Variants in GALNT17 observed in about 807,000 individuals in gnomAD.
GALNT17 encodes polypeptide N-acetylgalactosaminyltransferase 17.
A neutral mutation model predicts 63.7 loss-of-function variants in GALNT17; 29 were observed. The ratio of observed to expected loss-of-function variants is 0.46; its 90% confidence interval spans 0.34 to 0.62. GALNT17 has a LOEUF of 0.62. Among genes scored for constraint, GALNT17 ranks in the 20% least tolerant of loss-of-function variants. GALNT17 has a pLI of 0.01. For missense variants in GALNT17, 603 were observed against 799.6 expected (o/e 0.75, Z 2.97); for synonymous variants, 305 against 318.3 (o/e 0.96, Z 0.45).
intron 1 of GALNT17, among the ~76,000 whole-genome samples, chr7:71,240,202 G>A (rs759300478): frequency 6.6e-6 from 1 of 152,182 alleles, no homozygotes; most frequent in African/African-American, 2.4e-5. Context: ...TGTCTCAGCC[G>A]AGACCGGAGA....
intron 1 of GALNT17, among the ~76,000 whole-genome samples, chr7:71,229,642 C>T (rs1217037682): frequency 6.6e-6 from 1 of 152,148 alleles, no homozygotes; most frequent in Non-Finnish European, 1.5e-5. Flanking sequence ...TCCAAACAGC[C>T]CCTGATGTCC....
At chr7:71,523,296 G>C (rs945194255) in intron 5 of GALNT17, among the ~76,000 whole-genome samples, 1 of 152,112 alleles carries the variant, frequency 6.6e-6, no homozygotes, top group East Asian at 1.9e-4. Flanking sequence ...AGGCGTGGTG[G>C]CGCACGCCTG....
intron 6 of GALNT17, among the ~76,000 whole-genome samples, chr7:71,637,703 T>G (rs1466906895): frequency 6.6e-6 from 1 of 152,060 alleles, no homozygotes; most frequent in African/African-American, 2.4e-5. Context: ...CAGCACTGAC[T>G]TGGTAGATGA....
intron 9 of GALNT17, 75 bp downstream of exon 9, chr7:71,677,381 G>T: frequency 3.5e-6 from 5 of 1,417,140 alleles, no homozygotes; most frequent in Non-Finnish European, 4.8e-6. Context: ...AGGCCTTCTG[G>T]ATAAACTTTG....
At chr7:71,199,522 T>C (rs889970412) in intron 1 of GALNT17, among the ~76,000 whole-genome samples, 12 of 142,794 alleles carry the variant, frequency 8.4e-5, no homozygotes, top group South Asian at 2.3e-4. Context: ...CCCCATCCAT[T>C]CATCCATCCA....
chr7:71,569,270 C>G (rs899722654), intron 5 of GALNT17, among the ~76,000 whole-genome samples: 1 of 152,018 alleles, frequency 6.6e-6, no homozygotes, highest in Non-Finnish European at 1.5e-5. Context: ...GTGCCCGGCT[C>G]TAACATGATT....
intron 1 of GALNT17, among the ~76,000 whole-genome samples, chr7:71,237,957 A>G (rs185967314): frequency 1.3e-5 from 2 of 152,350 alleles, no homozygotes; most frequent in African/African-American, 4.8e-5. Flanking sequence ...CACTTGAGAA[A>G]TAAACACGGG....
At chr7:71,494,494 C>T (rs558485511) in intron 5 of GALNT17, among the ~76,000 whole-genome samples, 214 of 152,156 alleles carry the variant, frequency 1.4e-3, no homozygotes, top group African/African-American at 4.9e-3. Context: ...TACAGGTGTG[C>T]ACTAGCACAC....
intron 3 of GALNT17, among the ~76,000 whole-genome samples, chr7:71,408,939 T>TTA (rs567168941): frequency 1.2e-4 from 18 of 151,316 alleles, no homozygotes; most frequent in East Asian, 3.9e-4. Context: ...TATATGTATT[T>TTA]TATATATATA....
At chr7:71,304,313 G>A (rs1031634594) in intron 1 of GALNT17, among the ~76,000 whole-genome samples, 2 of 152,154 alleles carry the variant, frequency 1.3e-5, no homozygotes, top group African/African-American at 2.4e-5. Context: ...TAACTGAAAC[G>A]GCGTTCAGAG....
chr7:71,273,548 C>A (rs1362404007), intron 1 of GALNT17, among the ~76,000 whole-genome samples: 2 of 152,170 alleles, frequency 1.3e-5, no homozygotes, highest in African/African-American at 2.4e-5. Context: ...GCAAAGTCAG[C>A]AAATGGTTGA....
At chr7:71,608,312 C>T (rs1043596749) in intron 6 of GALNT17, among the ~76,000 whole-genome samples, 1 of 152,062 alleles carries the variant, frequency 6.6e-6, no homozygotes, top group Non-Finnish European at 1.5e-5. Flanking sequence ...GATACTGTTT[C>T]CCACTTGCCA....
At chr7:71,620,085 T>A (rs1376141253) in intron 6 of GALNT17, among the ~76,000 whole-genome samples, 1 of 152,222 alleles carries the variant, frequency 6.6e-6, no homozygotes, top group Non-Finnish European at 1.5e-5. Context: ...TGTTGGTGAA[T>A]CACACTTAGT....
intron 7 of GALNT17, among the ~76,000 whole-genome samples, chr7:71,667,805 AT>A (rs58037675): frequency 1.2e-3 from 180 of 148,894 alleles, no homozygotes; most frequent in South Asian, 2.3e-3. Flanking sequence ...ATAAAGGGGA[AT>A]TTTTTTTTTT....
chr7:71,592,793 C>T (rs183573376), intron 6 of GALNT17, among the ~76,000 whole-genome samples: 2 of 152,198 alleles, frequency 1.3e-5, no homozygotes, highest in East Asian at 3.9e-4. Context: ...ATATACCAGC[C>T]TAGCTCAGCA....
chr7:71,582,804 G>A (rs192665049), intron 6 of GALNT17, among the ~76,000 whole-genome samples: 12 of 152,134 alleles, frequency 7.9e-5, no homozygotes, highest in Non-Finnish European at 1.5e-4. Context: ...AATGGACTTC[G>A]GTGACTCAGG....
chr7:71,194,836 C>T (rs188007438), intron 1 of GALNT17, among the ~76,000 whole-genome samples: 10 of 152,322 alleles, frequency 6.6e-5, no homozygotes, highest in Admixed American at 3.3e-4. Flanking sequence ...TTCAGCATCA[C>T]GGTGCTGTCT....
intron 6 of GALNT17, among the ~76,000 whole-genome samples, chr7:71,586,478 A>G (rs1306952324): frequency 6.6e-6 from 1 of 152,208 alleles, no homozygotes; most frequent in Non-Finnish European, 1.5e-5. Context: ...ATGAGCATTC[A>G]TATAAAAGTC....
chr7:71,556,993 C>T (rs28417889), intron 5 of GALNT17, among the ~76,000 whole-genome samples: 10,575 of 151,838 alleles, frequency 0.07, 788 homozygotes, highest in African/African-American at 0.19. Flanking sequence ...CTCAAGCAAT[C>T]CTCCCTCCTC....
Sources: allele counts gnomAD v4.1 joint callset (sites outside exome capture counted in the v4.1 genomes callset), GRCh38; gene constraint gnomAD v4.1.1; transcripts MANE v1.5; gene names NCBI Gene and HGNC (gene_info 2026-07-23, HGNC 2026-07-21).